Variants in TP73 observed in about 807,000 individuals in gnomAD.
The protein encoded by TP73 is p53-like transcription factor.
In TP73, 25 loss-of-function variants were observed where a neutral mutation model predicts 62.5. That is an observed-to-expected ratio of 0.40 (90% CI 0.29 to 0.56). The LOEUF (loss-of-function observed/expected upper bound fraction) is 0.56, where lower values mean the gene tolerates loss of function less well. TP73 is among the 20% of genes least tolerant of loss of function. The pLI, the probability that TP73 is intolerant of heterozygous loss-of-function variation, is 0.46. For missense variants in TP73, 754 were observed against 913.3 expected (o/e 0.83, Z 2.25); for synonymous variants, 423 against 377.5 (o/e 1.12, Z -1.40).
chr1:3,704,280 C>G (rs912239224), intron 3 of TP73, among the ~76,000 whole-genome samples: 3 of 152,212 alleles, frequency 2.0e-5, no homozygotes, highest in Admixed American at 1.3e-4. Flanking sequence ...ATCGTTTCAG[C>G]CTGTAATCAG....
At chr1:3,668,451 C>CATTAAAGA (rs1364418749) in intron 1 of TP73, among the ~76,000 whole-genome samples, 1 of 151,672 alleles carries the variant, frequency 6.6e-6, no homozygotes, top group Non-Finnish European at 1.5e-5. Context: ...CTCTGACCAG[C>CATTAAAGA]ATTAAAGATT....
At chr1:3,658,878 C>T (rs1334694576) in intron 1 of TP73, 2 of 148,856 alleles carry the variant, frequency 1.3e-5, no homozygotes, top group Non-Finnish European at 3.0e-5. Context: ...TTAGGGGTGG[C>T]GTATTCTGGT....
At chr1:3,682,467 C>A in intron 2 of TP73, 37 bp downstream of exon 2, 1 of 1,442,548 alleles carries the variant, frequency 6.9e-7, no homozygotes, top group African/African-American at 1.4e-5. Flanking sequence ...GGGGGCCCCC[C>A]TGGGAGGCAC....
rs1645102473 is a variant in TP73, at chr1:3,665,949, A to C, written c.-34+13308A>C. On this transcript the variant is annotated intron_variant, in intron 1 of 13. Coordinates refer to ENST00000378295, the MANE Select transcript of TP73 (RefSeq NM_005427.4). ...GGAGTTTGAGACCAACCTGGCCAAC[A>C]TACAGTGAAACCCCATCTCTACTAA... 2.0e-5 allele frequency among the ~76,000 whole-genome samples: 3 copies of C among 150,616 alleles called. No homozygotes were observed. In the South Asian group the frequency reaches 6.3e-4, roughly 32 times the overall value.
intron 1 of TP73, among the ~76,000 whole-genome samples, chr1:3,653,965 G>C (rs112745862): frequency 2.0e-5 from 3 of 152,342 alleles, no homozygotes; most frequent in African/African-American, 7.2e-5. Flanking sequence ...CCTGAGGTCA[G>C]GAGTTCGAGA....
At position 3,729,362 on chromosome 1, in the gene TP73, G is replaced by C. The variant is rs2124532278; in HGVS notation, c.1110G>C (p.Lys370Asn). 1 of 1,613,286 alleles carries C rather than the reference G, an allele frequency of 6.2e-7. No individual in the cohort carries two copies. The change falls in exon 10 of 14, where the codon AAG becomes AAC. Residue 370 changes from lysine (K) to asparagine (N), a missense_variant. By Grantham distance (94) the Lys-to-Asn change is moderately conservative. Around this residue, in one of 3 missense-constraint regions of TP73, gnomAD observed 458 missense variants for 528.7 expected, o/e 0.87. Transcript: ENST00000378295. ...RGRENFEILM[K>N]LKESLELMEL... ...GGGAGAACTTTGAGATCCTGATGAA[G>C]CTGAAAGAGAGCCTGGAGCTGATGG...
Position 3,683,197 on chromosome 1 carries a change from C to T in TP73, c.186+17C>T. The T allele has an allele frequency of 1.3e-6, 2 of 1,595,636 alleles. No individual in the cohort carries two copies. The highest frequency in any genetic ancestry group is 1.7e-6 in the Non-Finnish European group (2 of 1,166,112). ...TCTGTCATGGTGAGTGGGGGGGCTG[C>T]CCTCTGCAAGAGGACTGGAGTGGGG... On this transcript the variant is annotated intron_variant, in intron 3 of 13. Transcript: ENST00000378295.
At chr1:3,732,693 C>T in intron 13 of TP73, 54 bp from the exon 14 acceptor site, 4 of 1,490,906 alleles carry the variant, frequency 2.7e-6, no homozygotes, top group Non-Finnish European at 3.6e-6. Context: ...GGGCGACCCC[C>T]CCTGCTCTCC....
chr1:3,685,881 AGCTC>A (rs1430150389), intron 3 of TP73, among the ~76,000 whole-genome samples: 2 of 152,240 alleles, frequency 1.3e-5, no homozygotes, highest in Non-Finnish European at 2.9e-5. Flanking sequence ...TGCCACCTGC[AGCTC>A]AGGGGCCCAG....
At chr1:3,729,906 C>A (rs1304794608) in intron 10 of TP73, 94 bp from the exon 11 acceptor site, 16 of 1,452,846 alleles carry the variant, frequency 1.1e-5, no homozygotes, top group Non-Finnish European at 1.4e-5. Context: ...AGAGGCTCCA[C>A]CCATTCGCAG....
At chr1:3,702,261 C>T (rs1239371151) in intron 3 of TP73, among the ~76,000 whole-genome samples, 2 of 152,144 alleles carry the variant, frequency 1.3e-5, no homozygotes, top group African/African-American at 4.8e-5. Flanking sequence ...AGGGGGCAGG[C>T]GGGACCCTCC....
intron 12 of TP73, 38 bp downstream of exon 12, chr1:3,731,103 C>T: frequency 6.3e-7 from 1 of 1,596,828 alleles, no homozygotes; most frequent in Non-Finnish European, 8.5e-7. Flanking sequence ...TGTGCTGTCA[C>T]CCTGTCTGTT....
At chr1:3,679,714 C>G (rs1328047963) in intron 1 of TP73, among the ~76,000 whole-genome samples, 2 of 151,614 alleles carry the variant, frequency 1.3e-5, no homozygotes, top group Non-Finnish European at 2.9e-5. Context: ...CTTTGTCTCT[C>G]TCCGTCTCTC....
In TP73 at chr1:3,707,633, G is replaced by T; in HGVS notation, c.271G>T (p.Ala91Ser). Residue 91 changes from alanine to serine, a missense_variant, in exon 4 of 14, where the codon GCC (alanine) becomes TCC (serine). Transcript: ENST00000378295. ...SASPYTPEHA[A>S]SVPTHSPYAQ... Reference sequence around the variant, plus strand: ...CAGCCCCTACACCCCAGAGCACGCCGCCAGCGTGCCCACCCACTCGCCCTA... The same window carrying T: ...CAGCCCCTACACCCCAGAGCACGCCTCCAGCGTGCCCACCCACTCGCCCTA... The T allele has an allele frequency of 6.2e-7, 1 of 1,612,860 alleles. No individual in the cohort carries two copies. Among genetic ancestry groups the T allele is most frequent in the Non-Finnish European group, 8.5e-7 (1 of 1,179,914 alleles).
At position 3,729,398 on chromosome 1, in the gene TP73, G is replaced by A. The variant is rs776097108; in HGVS notation, c.1146G>A (p.Pro382=). ...KESLELMELV[P]QPLVDSYRQQ... ...GCCTGGAGCTGATGGAGTTGGTGCC[G>A]CAGCCACTGGTGGACTCCTATCGGC... The change falls in exon 10 of 14, where the codon CCG becomes CCA. Residue 382 remains proline, a synonymous_variant. Coordinates refer to ENST00000378295, the MANE Select transcript of TP73 (RefSeq NM_005427.4). 1.4e-5 allele frequency: 22 copies of A among 1,612,932 alleles called. No homozygotes were observed. The highest frequency in any genetic ancestry group is 2.2e-5 in the South Asian group (2 of 91,090).
intron 13 of TP73, 88 bp downstream of exon 13, chr1:3,731,644 C>T (rs1018459271): frequency 1.4e-5 from 18 of 1,249,696 alleles, no homozygotes; most frequent in East Asian, 1.4e-4. Flanking sequence ...TCCTTGCTCT[C>T]GTGGCTGGGA....
chr1:3,689,560 C>G (rs1366306535), intron 3 of TP73, among the ~76,000 whole-genome samples: 1 of 152,066 alleles, frequency 6.6e-6, no homozygotes, highest in East Asian at 1.9e-4. Context: ...CCAAACCTCC[C>G]CTGCCCTCAC....
chr1:3,695,641 G>T (rs754243783), intron 3 of TP73, among the ~76,000 whole-genome samples: 12 of 152,396 alleles, frequency 7.9e-5, no homozygotes, highest in Non-Finnish European at 7.3e-5. Flanking sequence ...GGGCAGGATG[G>T]GCCTCCAGGA....
intron 3 of TP73, among the ~76,000 whole-genome samples, chr1:3,689,772 T>G (rs1429328582): frequency 1.3e-5 from 2 of 152,048 alleles, no homozygotes; most frequent in Non-Finnish European, 2.9e-5. Context: ...CATGGATTTC[T>G]CAGCCCTCGT....
Sources: gnomAD v4.1 joint callset for allele counts (sites outside exome capture counted in the v4.1 genomes callset) on GRCh38, gnomAD v4.1.1 for gene constraint, gnomAD v4.1.1 regional missense constraint, MANE v1.5 for transcripts, NCBI Gene and HGNC (gene_info 2026-07-23, HGNC 2026-07-21) for gene names.